Variants in SMPX observed in about 807,000 individuals in gnomAD.
SMPX encodes small muscular protein.
A neutral mutation model predicts 6.3 loss-of-function variants in SMPX; 2 were observed. That is an observed-to-expected ratio of 0.32 (90% CI 0.13 to 0.99). SMPX has a LOEUF of 0.99. Among genes scored for constraint, SMPX ranks in the 50% least tolerant of loss-of-function variants. The pLI is 0.49. For missense variants in SMPX, 60 were observed against 66.8 expected (o/e 0.90, Z 0.36); for synonymous variants, 32 against 24.7 (o/e 1.30, Z -0.88).
chrX:21,754,792 C>T (rs2092831092), intron 1 of SMPX, among the ~76,000 whole-genome samples: 2 of 112,088 alleles, frequency 1.8e-5, no homozygotes, highest in Non-Finnish European at 3.8e-5. Context: ...ACTTCCTTAA[C>T]GGCTGCGATG....
At chrX:21,723,855 G>A (rs2092794227) in intron 4 of SMPX, among the ~76,000 whole-genome samples, 1 of 112,287 alleles carries the variant, frequency 8.9e-6, no homozygotes, top group Non-Finnish European at 1.9e-5. Context: ...GGCATTGGGG[G>A]TGGTGATGAG....
At chrX:21,732,069 T>C (rs1447779176) in intron 4 of SMPX, among the ~76,000 whole-genome samples, 1 of 110,869 alleles carries the variant, frequency 9.0e-6, no homozygotes, top group East Asian at 2.8e-4. Context: ...TGTCTGGGTA[T>C]ATCAATTTGC....
chrX:21,709,133 G>A (rs926050663), intron 4 of SMPX, among the ~76,000 whole-genome samples: 1 of 111,995 alleles, frequency 8.9e-6, no homozygotes, highest in African/African-American at 3.3e-5. Flanking sequence ...CAAAGTGGAA[G>A]TAAGATACCA....
chrX:21,746,385 C>G (rs777368361), intron 2 of SMPX, among the ~76,000 whole-genome samples: 14 of 111,599 alleles, frequency 1.3e-4, no homozygotes, highest in Non-Finnish European at 1.9e-4. Flanking sequence ...CAGGGACAGA[C>G]CTTCTCACTC....
intron 4 of SMPX, among the ~76,000 whole-genome samples, chrX:21,718,152 A>C (rs760499901): frequency 8.9e-6 from 1 of 112,691 alleles, no homozygotes; most frequent in Admixed American, 9.3e-5. Context: ...ACTGAAAACA[A>C]GTGAGAAAAG....
chrX:21,740,247 TAAAC>T (rs757364448), intron 3 of SMPX, among the ~76,000 whole-genome samples: 26 of 112,352 alleles, frequency 2.3e-4, no homozygotes, highest in African/African-American at 8.4e-4. Flanking sequence ...AGTTAAGACA[TAAAC>T]AAACAGGGTT....
intron 1 of SMPX, among the ~76,000 whole-genome samples, chrX:21,756,681 C>T (rs192792557): frequency 8.9e-6 from 1 of 112,585 alleles, no homozygotes; most frequent in African/African-American, 3.2e-5. Context: ...GAGTGCGGAA[C>T]ACACCTTCCT....
chrX:21,714,348 G>A (rs1247404647), intron 4 of SMPX, among the ~76,000 whole-genome samples: 1 of 111,851 alleles, frequency 8.9e-6, no homozygotes, highest in African/African-American at 3.3e-5. Context: ...GTTTTATACT[G>A]TATAAATTAT....
chrX:21,746,819 G>A (rs1164471108), intron 2 of SMPX, among the ~76,000 whole-genome samples: 1 of 110,859 alleles, frequency 9.0e-6, no homozygotes, highest in African/African-American at 3.3e-5. Context: ...TGTTTCATTA[G>A]CATAATTGTA....
chrX:21,731,525 C>CACATTATGTGTGTATGTGTAT (rs2092803916), intron 4 of SMPX, among the ~76,000 whole-genome samples: 1 of 60,092 alleles, frequency 1.7e-5, no homozygotes, highest in African/African-American at 5.6e-5. Context: ...TGTATGTGTA[C>CACATTATGTGTGTATGTGTAT]ACATACACAT....
chrX:21,737,987 G>A (rs186303059), intron 3 of SMPX, among the ~76,000 whole-genome samples: 1 of 112,275 alleles, frequency 8.9e-6, no homozygotes, highest in African/African-American at 3.2e-5. Flanking sequence ...ATTACTACTA[G>A]TTCAAAGGAT....
At chrX:21,711,182 C>T (rs142218473) in intron 4 of SMPX, among the ~76,000 whole-genome samples, 2 of 111,880 alleles carry the variant, frequency 1.8e-5, no homozygotes, top group Non-Finnish European at 1.9e-5. Context: ...TACAAAAATT[C>T]GGGAATCCAG....
chrX:21,720,751 T>C (rs750680624), intron 4 of SMPX, among the ~76,000 whole-genome samples: 65 of 112,146 alleles, frequency 5.8e-4, no homozygotes, highest in Non-Finnish European at 1.1e-3. Flanking sequence ...CCTGAGAACT[T>C]ATGGATTCAG....
intron 4 of SMPX, among the ~76,000 whole-genome samples, chrX:21,728,438 G>A (rs1403876376): frequency 9.0e-6 from 1 of 111,377 alleles, no homozygotes; most frequent in Non-Finnish European, 1.9e-5. Context: ...TCAGCACCTG[G>A]TGCATCTTTT....
chrX:21,711,821 A>G (rs141356760), intron 4 of SMPX, among the ~76,000 whole-genome samples: 2,073 of 112,184 alleles, frequency 0.018, 45 homozygotes, highest in African/African-American at 0.064. Flanking sequence ...AAAGTACTTG[A>G]GAGAAGGCAG....
intron 4 of SMPX, among the ~76,000 whole-genome samples, chrX:21,719,745 G>T (rs1469885285): frequency 9.0e-6 from 1 of 111,458 alleles, no homozygotes; most frequent in Non-Finnish European, 1.9e-5. Flanking sequence ...AATGACTCAA[G>T]GACATGAAGA....
At chrX:21,725,327 AC>A (rs1188557504) in intron 4 of SMPX, among the ~76,000 whole-genome samples, 3 of 112,118 alleles carry the variant, frequency 2.7e-5, no homozygotes, top group Non-Finnish European at 5.6e-5. Flanking sequence ...TAGCCTATGC[AC>A]AAAAGATTAC....
At chrX:21,725,221 G>A (rs989784820) in intron 4 of SMPX, among the ~76,000 whole-genome samples, 4 of 112,179 alleles carry the variant, frequency 3.6e-5, no homozygotes, top group African/African-American at 1.3e-4. Context: ...GCATAACCCA[G>A]GACAGGGTGT....
At chrX:21,717,526 T>C (rs1718733505) in intron 4 of SMPX, among the ~76,000 whole-genome samples, 1 of 112,774 alleles carries the variant, frequency 8.9e-6, no homozygotes, top group Non-Finnish European at 1.9e-5. Flanking sequence ...TGCTTAAATA[T>C]GCTTAAATGG....
Sources: allele counts gnomAD v4.1 joint callset (sites outside exome capture counted in the v4.1 genomes callset), GRCh38; gene constraint gnomAD v4.1.1; transcripts MANE v1.5; gene names NCBI Gene and HGNC (gene_info 2026-07-23, HGNC 2026-07-21).